Variants in GALK2 observed in about 807,000 individuals in gnomAD.
GALK2 encodes the protein N-acetylgalactosamine kinase.
A neutral mutation model predicts 52.4 loss-of-function variants in GALK2; 36 were observed. That is an observed-to-expected ratio of 0.69 (90% CI 0.53 to 0.91). The LOEUF (loss-of-function observed/expected upper bound fraction) is 0.91, where lower values mean the gene tolerates loss of function less well. Ranked by LOEUF, GALK2 falls within the 40% of genes least tolerant of loss-of-function variation. The pLI is 0.00. For synonymous variants in GALK2, 176 were observed against 199.1 expected, an observed-to-expected ratio of 0.88 and a Z score of 0.98; for missense variants, 579 against 559.1, an observed-to-expected ratio of 1.04 and a Z score of -0.36.
chr15:49,231,027 T>C (rs2090473662), intron 3 of GALK2, among the ~76,000 whole-genome samples: 1 of 152,174 alleles, frequency 6.6e-6, no homozygotes, highest in African/African-American at 2.4e-5. Flanking sequence ...CTGACAGACT[T>C]GAGCCATACT....
At chr15:49,289,882 CTGTGGACAAAGCACT>C (rs1434394130) in intron 7 of GALK2, among the ~76,000 whole-genome samples, 1 of 152,216 alleles carries the variant, frequency 6.6e-6, no homozygotes, top group Non-Finnish European at 1.5e-5. Flanking sequence ...CTTTCCATGA[CTGTGGACAAAGCACT>C]TGTTGCCTGC....
At chr15:49,181,133 CAG>C (rs1196858426) in intron 1 of GALK2, among the ~76,000 whole-genome samples, 2 of 130,602 alleles carry the variant, frequency 1.5e-5, no homozygotes, top group African/African-American at 5.7e-5. Flanking sequence ...TCTTTTGAGA[CAG>C]GGTCTCACTC....
intron 8 of GALK2, among the ~76,000 whole-genome samples, chr15:49,294,144 T>TAAATAAAA (rs1567031272): frequency 2.1e-5 from 1 of 47,838 alleles, no homozygotes; most frequent in East Asian, 3.8e-4. Context: ...CTGTCTCAAA[T>TAAATAAAA]AAATAAATAA....
intron 5 of GALK2, among the ~76,000 whole-genome samples, chr15:49,249,134 A>G (rs2091121143): frequency 6.6e-6 from 1 of 152,208 alleles, no homozygotes; most frequent in South Asian, 2.1e-4. Flanking sequence ...TACCTACTAC[A>G]TCAGTTGTGT....
intron 1 of GALK2, among the ~76,000 whole-genome samples, chr15:49,176,928 A>G (rs1018036485): frequency 1.3e-5 from 2 of 152,152 alleles, no homozygotes; most frequent in African/African-American, 4.8e-5. Context: ...TGAAGGTCCA[A>G]CCAACTTGTT....
At chr15:49,285,349 A>C (rs1482677971) in intron 7 of GALK2, among the ~76,000 whole-genome samples, 1 of 151,816 alleles carries the variant, frequency 6.6e-6, no homozygotes, top group African/African-American at 2.4e-5. Context: ...TTTTAGTTTT[A>C]GCCATTCCCT....
exon 1 of GALK2, chr15:49,155,977 T>A (rs1401183625): frequency 4.3e-6 from 7 of 1,613,964 alleles, no homozygotes; most frequent in Admixed American, 3.3e-5. Flanking sequence ...CCAGAAGCCT[T>A]TCGCGGAGAA....
chr15:49,237,741 C>A (rs1327340468), intron 4 of GALK2, among the ~76,000 whole-genome samples: 2 of 152,176 alleles, frequency 1.3e-5, no homozygotes, highest in African/African-American at 4.8e-5. Context: ...TCCCAAAGTG[C>A]TGGGATTGCA....
chr15:49,313,094 G>A (rs923701027), intron 8 of GALK2, among the ~76,000 whole-genome samples: 1 of 152,234 alleles, frequency 6.6e-6, no homozygotes, highest in Non-Finnish European at 1.5e-5. Context: ...TGAGAACTGT[G>A]TGGAATAAAG....
chr15:49,363,997 T>C (rs2044692962), intron 3 of GALK2, among the ~76,000 whole-genome samples: 1 of 152,220 alleles, frequency 6.6e-6, no homozygotes, highest in African/African-American at 2.4e-5. Flanking sequence ...CTTTTTGACA[T>C]GCTGCTGGAT....
At position 49,329,501 on chromosome 15, in the gene GALK2, A is replaced by G; in HGVS notation, c.*1342A>G. 9 of 985,338 alleles carry G rather than the reference A, an allele frequency of 9.1e-6. No individual in the cohort carries two copies. Among genetic ancestry groups the G allele is most frequent in the Non-Finnish European group, 1.1e-5 (9 of 829,864 alleles). The allele number at this position is 985,338 out of a possible 1,614,324, so 61.0% of individuals were successfully genotyped here. On this transcript the variant is annotated 3_prime_UTR_variant, in exon 10 of 10. Transcript: ENST00000560031. ...ATTGGGCATCACCATCTAGAATTTC[A>G]GTTTAAGGGAGGCCTGCGCAAAGCT...
chr15:49,277,972 C>A (rs2032105010), intron 5 of GALK2, among the ~76,000 whole-genome samples: 1 of 151,794 alleles, frequency 6.6e-6, no homozygotes, highest in African/African-American at 2.4e-5. Context: ...TGCTTTAAAT[C>A]GGGCATAGGG....
intron 7 of GALK2, 65 bp downstream of exon 7, chr15:49,283,783 T>C (rs1047216869): frequency 6.5e-7 from 1 of 1,534,840 alleles, no homozygotes; most frequent in African/African-American, 1.4e-5. Flanking sequence ...TTCATTGTTC[T>C]CTATTACTTT....
At chr15:49,320,242 C>A (rs140543044) in intron 9 of GALK2, among the ~76,000 whole-genome samples, 8 of 152,238 alleles carry the variant, frequency 5.3e-5, no homozygotes, top group Non-Finnish European at 1.2e-4. Context: ...GACAGAGGAT[C>A]TCAAGCTTGA....
intron 5 of GALK2, among the ~76,000 whole-genome samples, chr15:49,276,904 GTT>G (rs34440691): frequency 0.037 from 2,910 of 77,950 alleles, 74 homozygotes; most frequent in African/African-American, 0.086. Flanking sequence ...AGAATCTGAG[GTT>G]TTTTTTTTTT....
intron 5 of GALK2, among the ~76,000 whole-genome samples, chr15:49,240,711 C>CA (rs1026207121): frequency 5.3e-5 from 8 of 151,684 alleles, no homozygotes; most frequent in Non-Finnish European, 8.8e-5. Flanking sequence ...GTTGGAGTAA[C>CA]AAAAAAAATG....
At chr15:49,217,564 ACT>A (rs1333850024) in intron 3 of GALK2, among the ~76,000 whole-genome samples, 1 of 152,050 alleles carries the variant, frequency 6.6e-6, no homozygotes, top group Non-Finnish European at 1.5e-5. Flanking sequence ...AAGATAAATA[ACT>A]CTGTCCTTGT....
chr15:49,219,796 G>A (rs1368213686), intron 3 of GALK2, among the ~76,000 whole-genome samples: 5 of 152,134 alleles, frequency 3.3e-5, no homozygotes, highest in Admixed American at 3.3e-4. Context: ...GGGTGACAGA[G>A]CGAGACTCTG....
intron 8 of GALK2, among the ~76,000 whole-genome samples, chr15:49,294,767 C>T (rs1595998251): frequency 1.3e-5 from 2 of 152,034 alleles, no homozygotes; most frequent in South Asian, 4.2e-4. Flanking sequence ...TATCAAGAAC[C>T]CTAAGAGTAT....
Sources: allele counts gnomAD v4.1 joint callset (sites outside exome capture counted in the v4.1 genomes callset), GRCh38; gene constraint gnomAD v4.1.1; transcripts MANE v1.5; gene names NCBI Gene and HGNC (gene_info 2026-07-23, HGNC 2026-07-21).